The following DAB2IP variants were observed in gnomAD, a reference collection of about 807,000 sequenced individuals.
DAB2IP encodes disabled homolog 2-interacting protein.
DAB2IP carries 28 observed loss-of-function variants against 107.2 expected under a neutral mutation model. The ratio of observed to expected loss-of-function variants is 0.26; its 90% confidence interval spans 0.19 to 0.36. DAB2IP has a LOEUF of 0.36. Ranked by LOEUF, DAB2IP falls within the 10% of genes least tolerant of loss-of-function variation. DAB2IP has a pLI of 1.00. For synonymous variants in DAB2IP, 755 were observed against 706.4 expected, an observed-to-expected ratio of 1.07 and a Z score of -1.09; for missense variants, 1,400 against 1,644.7, an observed-to-expected ratio of 0.85 and a Z score of 2.57.
At chr9:121,571,824 C>T (rs913285632) in intron 1 of DAB2IP, among the ~76,000 whole-genome samples, 7 of 152,034 alleles carry the variant, frequency 4.6e-5, no homozygotes, top group African/African-American at 1.2e-4. Flanking sequence ...AGGGCTCAGA[C>T]ACAGCTGCAG....
intron 2 of DAB2IP, among the ~76,000 whole-genome samples, chr9:121,681,041 C>T (rs1828575251): frequency 6.6e-6 from 1 of 152,164 alleles, no homozygotes; most frequent in African/African-American, 2.4e-5. Context: ...CCACGCCCAG[C>T]CTACCTGATC....
At chr9:121,733,512 T>C (rs540100431) in intron 3 of DAB2IP, among the ~76,000 whole-genome samples, 2 of 152,266 alleles carry the variant, frequency 1.3e-5, no homozygotes, top group Non-Finnish European at 2.9e-5. Flanking sequence ...CATCCTGAGC[T>C]CTGGGGAGAA....
chr9:121,658,028 T>C (rs1166488967), intron 1 of DAB2IP, among the ~76,000 whole-genome samples: 1 of 152,164 alleles, frequency 6.6e-6, no homozygotes, highest in African/African-American at 2.4e-5. Flanking sequence ...GTGTAGTTTG[T>C]TGCTTTCCCT....
At position 121,653,213 on chromosome 9, in the gene DAB2IP, AGGGAGTACTAAGCCTTTAGTACTCCTTG is replaced by A. The variant is rs1832827713; in HGVS notation, c.124+1316_124+1343del. ...GTACTAAGCCTTTAGTACTCCTTGGAGGGAGTACTAAGCCTTTAGTACTCCTTGGAGGGAGTACTAAGCCTTTAGTACT... is the reference window on the plus strand; with the variant it reads ...GTACTAAGCCTTTAGTACTCCTTGGAGAGGGAGTACTAAGCCTTTAGTACT... On this transcript the variant is annotated intron_variant, in intron 1 of 15. Coordinates refer to ENST00000408936, the Ensembl canonical transcript of DAB2IP. 3.7e-4 allele frequency among the ~76,000 whole-genome samples: 17 copies of A among 46,304 alleles called. No individual in the cohort carries two copies. The South Asian group carries it at 0.018, about 49-fold the overall frequency. 30.4% of individuals were successfully genotyped at this position (46,304 alleles called of 152,430 possible).
chr9:121,676,794 A>G (rs1262820679), intron 1 of DAB2IP, among the ~76,000 whole-genome samples: 2 of 152,174 alleles, frequency 1.3e-5, no homozygotes, highest in Non-Finnish European at 2.9e-5. Context: ...TGCAGGATGG[A>G]CCAGGCTGGG....
chr9:121,773,199 C>A, exon 12 of DAB2IP: 1 of 1,578,858 alleles, frequency 6.3e-7, no homozygotes, highest in South Asian at 1.1e-5. Context: ...TGAGCTGGCA[C>A]GGCGACAGAT....
intron 3 of DAB2IP, among the ~76,000 whole-genome samples, chr9:121,723,059 A>G (rs771690211): frequency 9.2e-5 from 14 of 152,280 alleles, no homozygotes; most frequent in Admixed American, 7.2e-4. Context: ...CTGCAGAAGG[A>G]CTGAGGGAGC....
chr9:121,756,203 G>T (rs992040818), intron 3 of DAB2IP, among the ~76,000 whole-genome samples: 1 of 152,198 alleles, frequency 6.6e-6, no homozygotes, highest in Non-Finnish European at 1.5e-5. Flanking sequence ...TGTCATCTGC[G>T]GTGCTTTCCC....
rs572653423 is a variant in DAB2IP at position 121,780,741 on chromosome 9, C to G, written c.3315-723C>G. Among the ~76,000 whole-genome samples, 6 of 152,216 alleles carry G rather than the reference C, an allele frequency of 3.9e-5. No individual in the cohort carries two copies. The South Asian group carries it at 1.2e-3, about 32-fold the overall frequency. On this transcript the variant is annotated intron_variant, in intron 14 of 15. Coordinates refer to ENST00000408936, the Ensembl canonical transcript of DAB2IP. ...TGTCTCAGGAACCAGCCAGGTGGGGCCAGGAGGGCTCCCAGGCAGGGAGCA... is the reference window on the plus strand; with the variant it reads ...TGTCTCAGGAACCAGCCAGGTGGGGGCAGGAGGGCTCCCAGGCAGGGAGCA...
chr9:121,717,527 C>T (rs117451260), intron 3 of DAB2IP, among the ~76,000 whole-genome samples: 127 of 152,360 alleles, frequency 8.3e-4, no homozygotes, highest in Non-Finnish European at 1.5e-3. Flanking sequence ...GTTTATCACA[C>T]GGTGTGTAAT....
At chr9:121,738,055 T>TG (rs1357120443) in intron 3 of DAB2IP, among the ~76,000 whole-genome samples, 3 of 145,380 alleles carry the variant, frequency 2.1e-5, no homozygotes, top group Non-Finnish European at 4.5e-5. Context: ...GGAGGTGGGC[T>TG]GGGGGGAAGC....
intron 2 of DAB2IP, among the ~76,000 whole-genome samples, chr9:121,690,358 C>T (rs189254636): frequency 2.0e-5 from 3 of 152,186 alleles, no homozygotes; most frequent in African/African-American, 7.2e-5. Context: ...TAGTATAGAC[C>T]CTGCTGCAGG....
intron 1 of DAB2IP, among the ~76,000 whole-genome samples, chr9:121,640,248 C>T (rs982764582): frequency 6.6e-6 from 1 of 152,160 alleles, no homozygotes; most frequent in African/African-American, 2.4e-5. Context: ...CTCCCCGCTG[C>T]TGTGTGGGCC....
chr9:121,700,792 G>C (rs1018427496), intron 3 of DAB2IP, among the ~76,000 whole-genome samples: 4 of 152,138 alleles, frequency 2.6e-5, no homozygotes, highest in African/African-American at 9.7e-5. Flanking sequence ...ACTGCCTGCA[G>C]CTGGTTTCCT....
At chr9:121,620,194 T>C (rs1213280958) in intron 1 of DAB2IP, among the ~76,000 whole-genome samples, 4 of 152,216 alleles carry the variant, frequency 2.6e-5, no homozygotes, top group Admixed American at 2.6e-4. Flanking sequence ...CGACTCCTGC[T>C]GCCTGGGCCA....
At chr9:121,766,019 T>C (rs964499288) in intron 8 of DAB2IP, among the ~76,000 whole-genome samples, 6 of 152,236 alleles carry the variant, frequency 3.9e-5, no homozygotes, top group African/African-American at 1.4e-4. Context: ...TCAAAGCCAG[T>C]GATGGGAACC....
At chr9:121,732,032 A>T (rs987268091) in intron 3 of DAB2IP, among the ~76,000 whole-genome samples, 53 of 152,148 alleles carry the variant, frequency 3.5e-4, no homozygotes, top group African/African-American at 1.2e-3. Context: ...CCAGAGTGGC[A>T]CTGGACTCTC....
At chr9:121,636,972 A>G (rs1469339022) in intron 1 of DAB2IP, among the ~76,000 whole-genome samples, 2 of 152,156 alleles carry the variant, frequency 1.3e-5, no homozygotes, top group Non-Finnish European at 2.9e-5. Flanking sequence ...GGTAGGATTT[A>G]TCCCCTGGAC....
At chr9:121,668,907 CTTTTT>C in intron 1 of DAB2IP, among the ~76,000 whole-genome samples, 1 of 72,182 alleles carries the variant, frequency 1.4e-5, no homozygotes, top group South Asian at 5.5e-4. Flanking sequence ...GTAAGCCTTA[CTTTTT>C]TTTTTTTTTT....
Sources: gnomAD v4.1 joint callset for allele counts (sites outside exome capture counted in the v4.1 genomes callset) on GRCh38, gnomAD v4.1.1 for gene constraint, MANE v1.5 for transcripts, NCBI Gene and HGNC (gene_info 2026-07-23, HGNC 2026-07-21) for gene names.